Variants in RBFOX1 observed in about 807,000 individuals in gnomAD.
The protein encoded by RBFOX1 is RNA binding protein fox-1 homolog 1.
A neutral mutation model predicts 57.7 loss-of-function variants in RBFOX1; 8 were observed. The observed-to-expected ratio is 0.14, with a 90% CI of 0.08 to 0.25. RBFOX1 has a LOEUF of 0.25. Ranked by LOEUF, RBFOX1 falls within the 10% of genes least tolerant of loss-of-function variation. The probability of loss-of-function intolerance (pLI) is 1.00; values close to 1 mark genes in which losing one functional copy is unlikely to be tolerated. For synonymous variants in RBFOX1, 326 were observed against 222.4 expected, an observed-to-expected ratio of 1.47 and a Z score of -4.15; for missense variants, 611 against 548.5, an observed-to-expected ratio of 1.11 and a Z score of -1.14.
intron 4 of RBFOX1, among the ~76,000 whole-genome samples, chr16:7,434,313 T>C (rs1163514490): frequency 6.6e-6 from 1 of 151,576 alleles, no homozygotes; most frequent in East Asian, 1.9e-4. Flanking sequence ...CTACTAAAAA[T>C]ACAAAAAAAT....
chr16:5,977,859 G>C (rs538133249), intron 4 of RBFOX1, among the ~76,000 whole-genome samples: 1 of 152,052 alleles, frequency 6.6e-6, no homozygotes, highest in Non-Finnish European at 1.5e-5. Context: ...GGCTTTTTGA[G>C]TCGAAATTTA....
At chr16:6,870,071 A>C (rs548927874) in intron 3 of RBFOX1, among the ~76,000 whole-genome samples, 1 of 152,232 alleles carries the variant, frequency 6.6e-6, no homozygotes, top group Non-Finnish European at 1.5e-5. Context: ...TTAAACTGAC[A>C]ATTTACTAAT....
intron 11 of RBFOX1, among the ~76,000 whole-genome samples, chr16:7,635,603 T>G (rs1008517758): frequency 2.0e-5 from 3 of 152,130 alleles, no homozygotes; most frequent in Non-Finnish European, 2.9e-5. Flanking sequence ...TAGTTTGACT[T>G]TACAGAGGAG....
At chr16:5,372,518 C>T (rs568739593) in intron 1 of RBFOX1, among the ~76,000 whole-genome samples, 1 of 152,190 alleles carries the variant, frequency 6.6e-6, no homozygotes, top group Non-Finnish European at 1.5e-5. Context: ...TCTGATTCCT[C>T]CACGTGTGGC....
chr16:6,642,682 A>T (rs1049348416), intron 2 of RBFOX1, among the ~76,000 whole-genome samples: 1 of 152,008 alleles, frequency 6.6e-6, no homozygotes, highest in Non-Finnish European at 1.5e-5. Flanking sequence ...GAAAGAAGTC[A>T]AGATGAAAAG....
At chr16:7,072,513 C>T (rs751343964) in intron 4 of RBFOX1, among the ~76,000 whole-genome samples, 7 of 152,146 alleles carry the variant, frequency 4.6e-5, no homozygotes, top group Non-Finnish European at 7.3e-5. Context: ...AATATTAATA[C>T]ATGTTTGCAA....
exon 3 of RBFOX1, chr16:5,599,274 C>A (rs1053632295): frequency 3.1e-6 from 2 of 649,952 alleles, no homozygotes; most frequent in African/African-American, 1.8e-5. Flanking sequence ...GGTCCCTCTG[C>A]GCCCTGGTGT....
chr16:5,731,525 C>T (rs971266545), intron 3 of RBFOX1, among the ~76,000 whole-genome samples: 2 of 152,152 alleles, frequency 1.3e-5, no homozygotes, highest in African/African-American at 4.8e-5. Flanking sequence ...ATTTGAACCT[C>T]AGTTGTCTGA....
intron 3 of RBFOX1, among the ~76,000 whole-genome samples, chr16:5,606,116 T>A (rs2151225624): frequency 6.6e-6 from 1 of 152,254 alleles, no homozygotes; most frequent in East Asian, 1.9e-4. Context: ...GAACCATGGC[T>A]CCTCCTTTCT....
chr16:6,765,245 C>T (rs2077171122), intron 3 of RBFOX1, among the ~76,000 whole-genome samples: 1 of 152,134 alleles, frequency 6.6e-6, no homozygotes, highest in Admixed American at 6.5e-5. Flanking sequence ...AACACACAGG[C>T]TCCTGCAGGC....
In RBFOX1 at chr16:7,065,824, C is replaced by T. The variant is rs187926405; in HGVS notation, c.27+13726C>T. 1.0e-3 allele frequency among the ~76,000 whole-genome samples: 156 copies of T among 152,302 alleles called. 1 individual carries two copies. The highest frequency in any genetic ancestry group is 0.01 in the Middle Eastern group (3 of 294). Reference sequence around the variant, plus strand: ...CCTAAATCCTCCAGCCTCCAAGCCTCTGGTAATCACCATTCTACTCTTGCT... The same window carrying T: ...CCTAAATCCTCCAGCCTCCAAGCCTTTGGTAATCACCATTCTACTCTTGCT... On this transcript the variant is annotated intron_variant, in intron 4 of 15. Transcript: ENST00000550418.
Position 5,976,548 on chromosome 16 carries a change from C to G in RBFOX1, c.351+109213C>G, listed in dbSNP as rs572388761. On this transcript the variant is annotated intron_variant, in intron 4 of 19. Transcript: ENST00000641259. ...AATTCTAAGGTATTCTGAGGAACAT[C>G]ACGGTCTCTATCCTGCCATCCTTGA... Among the ~76,000 whole-genome samples, 8 of 152,246 alleles carry G rather than the reference C, an allele frequency of 5.3e-5. No homozygotes were observed. The East Asian group carries it at 7.7e-4, about 15-fold the overall frequency.
chr16:6,435,969 T>C (rs577686565), intron 2 of RBFOX1, among the ~76,000 whole-genome samples: 2 of 152,262 alleles, frequency 1.3e-5, no homozygotes, highest in South Asian at 4.1e-4. Context: ...GGTTTTTCAT[T>C]CTTCTCTTTG....
chr16:7,701,324 G>C (rs903967124), intron 14 of RBFOX1, among the ~76,000 whole-genome samples: 2 of 151,750 alleles, frequency 1.3e-5, no homozygotes, highest in Non-Finnish European at 2.9e-5. Flanking sequence ...GGTGAGCAAC[G>C]CTTCCTGTTT....
At chr16:6,865,205 G>A (rs1603634059) in intron 3 of RBFOX1, among the ~76,000 whole-genome samples, 1 of 151,828 alleles carries the variant, frequency 6.6e-6, no homozygotes, top group African/African-American at 2.4e-5. Context: ...GTTTTGCCAT[G>A]TTGGCCAGGC....
At chr16:6,119,343 T>G (rs1185827016) in intron 1 of RBFOX1, among the ~76,000 whole-genome samples, 1 of 152,190 alleles carries the variant, frequency 6.6e-6, no homozygotes, top group African/African-American at 2.4e-5. Context: ...GCCACAAAAG[T>G]GATGTGTCCT....
At chr16:6,777,513 T>C (rs2079579057) in intron 3 of RBFOX1, among the ~76,000 whole-genome samples, 1 of 152,186 alleles carries the variant, frequency 6.6e-6, no homozygotes, top group Admixed American at 6.5e-5. Flanking sequence ...TTCTACATTC[T>C]ATTTTGTAAT....
At chr16:7,024,914 T>C (rs1467468017) in intron 3 of RBFOX1, among the ~76,000 whole-genome samples, 1 of 152,000 alleles carries the variant, frequency 6.6e-6, no homozygotes, top group African/African-American at 2.4e-5. Context: ...CTCCTCACTT[T>C]ATAGAGGAGG....
chr16:5,316,435 C>T (rs1335000271), intron 1 of RBFOX1, among the ~76,000 whole-genome samples: 2 of 152,132 alleles, frequency 1.3e-5, no homozygotes, highest in African/African-American at 4.8e-5. Flanking sequence ...AGATGGTTGG[C>T]GTGGAGCAGC....
Sources: gnomAD v4.1 joint callset for allele counts (sites outside exome capture counted in the v4.1 genomes callset) on GRCh38, gnomAD v4.1.1 for gene constraint, MANE v1.5 for transcripts, NCBI Gene and HGNC (gene_info 2026-07-23, HGNC 2026-07-21) for gene names.